Variants in ARAP3 observed in about 807,000 individuals in gnomAD.
ARAP3 encodes the protein arf-GAP with Rho-GAP domain, ANK repeat and PH domain-containing protein 3.
In ARAP3, 82 loss-of-function variants were observed where a neutral mutation model predicts 169.2. The ratio of observed to expected loss-of-function variants is 0.48; its 90% CI spans 0.41 to 0.58. The LOEUF is 0.58. Among genes scored for constraint, ARAP3 ranks in the 20% least tolerant of loss-of-function variants. The pLI, the probability that ARAP3 is intolerant of heterozygous loss-of-function variation, is 0.00. For synonymous variants in ARAP3, 791 were observed against 800.3 expected, an observed-to-expected ratio of 0.99 and a Z score of 0.20; for missense variants, 1,764 against 2,018.0, an observed-to-expected ratio of 0.87 and a Z score of 2.41.
chr5:141,679,704 G>A (rs2099912714), intron 3 of ARAP3, 48 bp from the exon 4 acceptor site: 1 of 1,613,750 alleles, frequency 6.2e-7, no homozygotes, highest in Non-Finnish European at 8.5e-7. Context: ...ATCGCTGGGA[G>A]TGTATGAGGT....
intron 16 of ARAP3, among the ~76,000 whole-genome samples, chr5:141,668,653 T>A (rs893256193): frequency 6.6e-6 from 1 of 152,130 alleles, no homozygotes; most frequent in African/African-American, 2.4e-5. Context: ...GACAGAGCCC[T>A]GAAAAGATAT....
At position 141,672,670 on chromosome 5, in the gene ARAP3, A is replaced by G. The variant is rs759223788; in HGVS notation, c.1279-12T>C. 4 of 1,613,854 alleles carry G rather than the reference A, an allele frequency of 2.5e-6. No homozygotes were observed. Among genetic ancestry groups the G allele is most frequent in the South Asian group, 1.1e-5 (1 of 91,072 alleles). ...CCCAGAGAGAAGGCCTGGTGGGGTC[A>G]GGGGGTGGGCATCATGAGGTGCCAG... is the stretch of plus-strand genomic sequence containing the variant. On this transcript the variant is annotated splice_polypyrimidine_tract_variant and intron_variant, in intron 8 of 32. Transcript: ENST00000239440. This position sits in a 1 kb window ranked among gnomAD's most constrained non-coding sequence, Gnocchi z 4.9.
intron 1 of ARAP3, chr5:141,680,751 A>T (rs1294379300): frequency 6.7e-6 from 4 of 594,108 alleles, no homozygotes; most frequent in Non-Finnish European, 1.1e-5. Context: ...CCAGGTTCAC[A>T]GTAAGTCAGT....
chr5:141,680,048 A>C lies in ARAP3; in HGVS notation c.439T>G (p.Ser147Ala). The C allele has an allele frequency of 6.2e-7, 1 of 1,614,128 alleles. No homozygotes were observed. The highest frequency in any genetic ancestry group is 1.1e-5 in the South Asian group (1 of 91,088). Residue 147 changes from serine to alanine, a missense_variant, in exon 2 of 33, where the codon TCA becomes GCA. This residue lies in a region of ARAP3 where 630 missense variants were observed against 678.7 expected (regional missense o/e 0.93). Coordinates refer to ENST00000239440, the MANE Select transcript of ARAP3 (RefSeq NM_022481.6). ...PLPTSSSEQS[S>A]ALNTVEMMPN... ...ATCATCTCCACAGTATTTAGGGCTG[A>C]AGACTGCTCAGAGGAGGAAGTGGGG...
In ARAP3 at chr5:141,664,904, C is replaced by A; in HGVS notation, c.2800+18G>T. 1 of 1,144,996 alleles carries A rather than the reference C, an allele frequency of 8.7e-7. No homozygotes were observed. The highest frequency in any genetic ancestry group is 2.2e-4 in the Middle Eastern group (1 of 4,520). 70.9% of individuals were successfully genotyped at this position (1,144,996 alleles called of 1,614,324 possible). A position where few individuals can be genotyped will look rare whatever the true frequency, so the allele number is the denominator to read the frequency against. On this transcript the variant is annotated intron_variant, in intron 19 of 32. Coordinates refer to ENST00000239440, the MANE Select transcript of ARAP3 (RefSeq NM_022481.6). ...CCCCCCACCCCCATTGGCTCAGTAC[C>A]AGCCAGTGCCTACTCACCATGCTGG... is the stretch of plus-strand genomic sequence containing the variant.
rs201410318 is a variant in ARAP3 at position 141,671,763 on chromosome 5, A to T, written c.1672-11T>A. 3.9e-5 allele frequency: 63 copies of T among 1,596,404 alleles called. No homozygotes were observed. The highest frequency in any genetic ancestry group is 5.2e-5 in the Non-Finnish European group (61 of 1,170,132). On this transcript the variant is annotated splice_polypyrimidine_tract_variant and intron_variant, in intron 11 of 32. Coordinates refer to ENST00000239440, the MANE Select transcript of ARAP3 (RefSeq NM_022481.6). This position sits in a 1 kb window ranked among gnomAD's most constrained non-coding sequence, Gnocchi z 4.9. ...CAGGACAATGAATAACTGTGGGATG[A>T]CAAGGGACAAAGGCAGGTGACAGGA...
chr5:141,659,747 G>C (rs1396030632), intron 22 of ARAP3, 32 bp downstream of exon 22: 1 of 1,597,212 alleles, frequency 6.3e-7, no homozygotes, highest in Non-Finnish European at 8.6e-7. Context: ...TAGGGGAAAG[G>C]GGTTGTGGGT....
Position 141,671,312 on chromosome 5 carries a change from C to G in ARAP3, c.1943G>C (p.Trp648Ser), listed in dbSNP as rs2099911411. 6 of 1,613,466 alleles carry G rather than the reference C, an allele frequency of 3.7e-6. No homozygotes were observed. The highest frequency in any genetic ancestry group is 5.1e-6 in the Non-Finnish European group (6 of 1,179,804). ...CVEAFEGEEP[W>S]FPPAPDGSCP... Reference sequence around the variant, plus strand: ...GCTGCCATCAGGGGCTGGGGGGAACCAGGGCTCCTCGCCTTCAAAGGCCTC... The same window carrying G: ...GCTGCCATCAGGGGCTGGGGGGAACGAGGGCTCCTCGCCTTCAAAGGCCTC... The change falls in exon 13 of 33, where the codon TGG becomes TCG. Residue 648 changes from tryptophan (W) to serine (S), a missense_variant. Transcript: ENST00000239440. This position sits in a 1 kb window ranked among gnomAD's most constrained non-coding sequence, Gnocchi z 4.9.
intron 20 of ARAP3, 83 bp from the exon 21 acceptor site, chr5:141,661,872 A>G (rs2099910021): frequency 6.6e-7 from 1 of 1,505,724 alleles, no homozygotes; most frequent in Admixed American, 1.7e-5. Context: ...TTTTAGGCAC[A>G]AATGCAGGAT....
intron 4 of ARAP3, 112 bp downstream of exon 4, chr5:141,679,433 C>T: frequency 9.4e-7 from 1 of 1,062,362 alleles, no homozygotes; most frequent in Non-Finnish European, 1.4e-6. Context: ...CATCCTGTAT[C>T]TTGAGTGCCT....
At chr5:141,675,656 G>T (rs1350960831) in intron 4 of ARAP3, among the ~76,000 whole-genome samples, 1 of 151,740 alleles carries the variant, frequency 6.6e-6, no homozygotes, top group Non-Finnish European at 1.5e-5. Context: ...CTGGGAGGCG[G>T]AGGTTGCAGT....
chr5:141,653,972 G>T lies in ARAP3; in HGVS notation c.4613C>A (p.Pro1538His). Residue 1538 changes from proline to histidine, a missense_variant, in exon 33 of 33, where the codon CCC (proline) becomes CAC (histidine). Coordinates refer to ENST00000239440, the MANE Select transcript of ARAP3 (RefSeq NM_022481.6). ...PTQPPCTSSP[P>H]SSQPLT Reference sequence around the variant, plus strand: ...GGGTCATGTGAGGGGCTGGCTGGAGGGTGGACTGGAAGTGCATGGGGGTTG... The same window carrying T: ...GGGTCATGTGAGGGGCTGGCTGGAGTGTGGACTGGAAGTGCATGGGGGTTG... 1 of 1,533,700 alleles carries T rather than the reference G, an allele frequency of 6.5e-7. No homozygotes were observed. The highest frequency in any genetic ancestry group is 1.3e-5 in the South Asian group (1 of 77,628).
rs2099908864 is a variant in ARAP3 at position 141,653,997 on chromosome 5, G to A, written c.4588C>T (p.Gln1530Ter). ...GGTGGACTGGAAGTGCATGGGGGTT[G>A]GGTGGGGAAGCCAGGTGTCTGTGTT... The part of the protein sequence containing the change: ...LPTQTPGFPT[Q>*]PPCTSSPPSS... The change falls in exon 33 of 33, where the codon CAA (glutamine) becomes TAA (stop). Residue 1530 changes from glutamine to a stop codon, truncating the protein, a stop_gained. Coordinates refer to ENST00000239440, the MANE Select transcript of ARAP3 (RefSeq NM_022481.6). LOFTEE classifies it high-confidence loss of function. 1 of 1,554,974 alleles carries A rather than the reference G, an allele frequency of 6.4e-7. No individual in the cohort carries two copies. Among genetic ancestry groups the A allele is most frequent in the Non-Finnish European group, 8.7e-7 (1 of 1,151,294 alleles).
intron 4 of ARAP3, among the ~76,000 whole-genome samples, chr5:141,675,299 A>G (rs1408879408): frequency 6.6e-6 from 1 of 152,260 alleles, no homozygotes; most frequent in African/African-American, 2.4e-5. Context: ...AACAGCACAA[A>G]ATCACTTGGG....
At chr5:141,679,425 T>C in intron 4 of ARAP3, 120 bp downstream of exon 4, 1 of 953,308 alleles carries the variant, frequency 1.0e-6, no homozygotes. Flanking sequence ...GTGATACTCA[T>C]CCTGTATCTT....
At chr5:141,661,369 T>C (rs2099909946) in intron 21 of ARAP3, among the ~76,000 whole-genome samples, 1 of 152,238 alleles carries the variant, frequency 6.6e-6, no homozygotes, top group Admixed American at 6.5e-5. Context: ...CCAGCCTTCA[T>C]TTAACTCTCT....
At chr5:141,654,508 G>A (rs2099908934) in intron 32 of ARAP3, 73 bp from the exon 33 acceptor site, 2 of 1,501,064 alleles carry the variant, frequency 1.3e-6, no homozygotes, top group African/African-American at 2.8e-5. Context: ...AACATTTACT[G>A]AGCTCTTCCT....
intron 16 of ARAP3, among the ~76,000 whole-genome samples, chr5:141,667,940 G>C (rs186586631): frequency 0.019 from 2,882 of 151,860 alleles, 48 homozygotes; most frequent in Non-Finnish European, 0.028. Context: ...TACTCAGGAG[G>C]CTGAGGCAAG....
rs374768935 is a variant in ARAP3, at chr5:141,671,029, G to A, written c.1990+236C>T. The stretch of plus-strand genomic sequence containing the variant: ...GGAGACTAGTCCTGACCTATGGGTC[G>A]GCCCTGTCAGGGGTGGACCAGCACT... On this transcript the variant is annotated intron_variant, in intron 13 of 32. Coordinates refer to ENST00000239440, the MANE Select transcript of ARAP3 (RefSeq NM_022481.6). The surrounding 1 kb of genome is among the most constrained non-coding windows in gnomAD (Gnocchi z 4.9). Among the ~76,000 whole-genome samples the A allele has an allele frequency of 4.0e-4, 61 of 152,310 alleles. 3 individuals carry two copies. In the South Asian group the frequency reaches 0.012, roughly 30 times the overall value.
Sources: allele counts gnomAD v4.1 joint callset (sites outside exome capture counted in the v4.1 genomes callset), GRCh38; gene constraint gnomAD v4.1.1; regional missense constraint gnomAD v4.1.1; non-coding constraint Gnocchi (gnomAD v3.1); transcripts MANE v1.5; gene names NCBI Gene and HGNC (gene_info 2026-07-23, HGNC 2026-07-21).